The following DPP10 variants were observed in gnomAD, a reference collection of about 807,000 sequenced individuals.
The protein encoded by DPP10 is dipeptidyl peptidase like 10.
In DPP10, 33 loss-of-function variants were observed where a neutral mutation model predicts 120.9. The ratio of observed to expected loss-of-function variants is 0.27; its 90% CI spans 0.21 to 0.37. The LOEUF (loss-of-function observed/expected upper bound fraction) is 0.37. DPP10 is among the 10% of genes least tolerant of loss of function. DPP10 has a pLI of 1.00. For synonymous variants in DPP10, 337 were observed against 326.1 expected, an observed-to-expected ratio of 1.03 and a Z score of -0.36; for missense variants, 816 against 942.8, an observed-to-expected ratio of 0.87 and a Z score of 1.76.
chr2:115,779,475 C>T (rs913051912), intron 15 of DPP10, among the ~76,000 whole-genome samples: 1 of 151,996 alleles, frequency 6.6e-6, no homozygotes, highest in Non-Finnish European at 1.5e-5. Context: ...CTACCGTAGT[C>T]ATTGTTACTT....
chr2:115,330,550 G>T (rs1022534785), intron 2 of DPP10, among the ~76,000 whole-genome samples: 25 of 151,960 alleles, frequency 1.6e-4, no homozygotes, highest in Non-Finnish European at 2.9e-4. Context: ...TTTTCTTCTA[G>T]GGTTTTTATG....
intron 5 of DPP10, among the ~76,000 whole-genome samples, chr2:115,536,022 A>G (rs1437504056): frequency 2.0e-5 from 3 of 152,022 alleles, no homozygotes; most frequent in South Asian, 2.1e-4. Flanking sequence ...GGCTGAGACA[A>G]TGGGGTTTTC....
intron 1 of DPP10, among the ~76,000 whole-genome samples, chr2:114,597,615 TC>T (rs1692023949): frequency 6.6e-6 from 1 of 151,968 alleles, no homozygotes; most frequent in Non-Finnish European, 1.5e-5. Context: ...AACGTTTCAG[TC>T]ACTTAGGTGA....
rs2083382712 is a variant in DPP10, at chr2:115,602,362, A to G, written c.441+76390A>G. Among the ~76,000 whole-genome samples, 5 of 152,328 alleles carry G rather than the reference A, an allele frequency of 3.3e-5. No individual in the cohort carries two copies. In the South Asian group the frequency reaches 1.0e-3, roughly 32 times the overall value. ...GAACACATTTCCAAAGTAAATGCTC[A>G]TTTTTAGCACAGAATCTTTTAAAGA... On this transcript the variant is annotated intron_variant, in intron 5 of 25. Transcript: ENST00000410059.
At chr2:114,453,737 C>A (rs1404617751) in intron 1 of DPP10, among the ~76,000 whole-genome samples, 1 of 152,158 alleles carries the variant, frequency 6.6e-6, no homozygotes, top group East Asian at 1.9e-4. Context: ...CAAAGAAATA[C>A]CTTGATCTTT....
At chr2:115,236,971 TG>T (rs1340451340) in intron 1 of DPP10, among the ~76,000 whole-genome samples, 2 of 152,194 alleles carry the variant, frequency 1.3e-5, no homozygotes, top group Non-Finnish European at 2.9e-5. Flanking sequence ...AAGATTACAA[TG>T]TTGAAAATCA....
intron 1 of DPP10, among the ~76,000 whole-genome samples, chr2:114,971,684 C>T (rs1372992063): frequency 6.6e-6 from 1 of 152,110 alleles, no homozygotes; most frequent in Non-Finnish European, 1.5e-5. Context: ...TCGCAAGAAA[C>T]ACAGGAAAAG....
chr2:115,741,287 C>G (rs1677235403), intron 9 of DPP10, among the ~76,000 whole-genome samples: 1 of 152,020 alleles, frequency 6.6e-6, no homozygotes, highest in Admixed American at 6.6e-5. Context: ...AGGGTCTTCT[C>G]TGGACATAGA....
chr2:115,070,063 T>C (rs1707244914), intron 1 of DPP10, among the ~76,000 whole-genome samples: 1 of 152,206 alleles, frequency 6.6e-6, no homozygotes, highest in Admixed American at 6.5e-5. Context: ...ATCATCACAA[T>C]TTATTAGGTT....
intron 1 of DPP10, among the ~76,000 whole-genome samples, chr2:115,143,034 C>T (rs2051015199): frequency 6.6e-6 from 1 of 152,096 alleles, no homozygotes; most frequent in Non-Finnish European, 1.5e-5. Flanking sequence ...ACTCTTGTTC[C>T]TAGAAAAAAT....
At chr2:115,098,651 A>G (rs533099237) in intron 1 of DPP10, among the ~76,000 whole-genome samples, 1 of 152,290 alleles carries the variant, frequency 6.6e-6, no homozygotes, top group East Asian at 1.9e-4. Context: ...TCATTTATCA[A>G]AACGTCATTA....
At chr2:114,463,666 A>G (rs961972606) in intron 1 of DPP10, among the ~76,000 whole-genome samples, 10 of 152,134 alleles carry the variant, frequency 6.6e-5, no homozygotes, top group African/African-American at 2.2e-4. Flanking sequence ...AAATTTGCCT[A>G]TGTTAAATTT....
intron 1 of DPP10, among the ~76,000 whole-genome samples, chr2:114,930,046 C>T (rs1695953839): frequency 6.6e-6 from 1 of 152,160 alleles, no homozygotes; most frequent in Admixed American, 6.5e-5. Flanking sequence ...ATTGGAACCC[C>T]AAACATGTCC....
At chr2:114,762,729 A>G (rs560073642) in intron 1 of DPP10, among the ~76,000 whole-genome samples, 1 of 152,350 alleles carries the variant, frequency 6.6e-6, no homozygotes, top group African/African-American at 2.4e-5. Flanking sequence ...CATTCTGAGC[A>G]GAGCCTTAAC....
At chr2:115,074,872 C>A (rs1181789258) in intron 1 of DPP10, among the ~76,000 whole-genome samples, 1 of 152,156 alleles carries the variant, frequency 6.6e-6, no homozygotes, top group African/African-American at 2.4e-5. Flanking sequence ...CTTGAGCAAC[C>A]AGATGAACCA....
At chr2:115,625,307 T>C (rs911013115) in intron 5 of DPP10, among the ~76,000 whole-genome samples, 1 of 152,134 alleles carries the variant, frequency 6.6e-6, no homozygotes, top group Non-Finnish European at 1.5e-5. Context: ...GACTTCAGTA[T>C]TTAAAATTAC....
At chr2:114,896,905 G>A (rs1334179154) in intron 1 of DPP10, among the ~76,000 whole-genome samples, 11 of 152,048 alleles carry the variant, frequency 7.2e-5, no homozygotes, top group East Asian at 5.8e-4. Flanking sequence ...TTTGAGATAC[G>A]TCCCATCAAT....
At chr2:115,095,662 C>T (rs767879415) in intron 1 of DPP10, among the ~76,000 whole-genome samples, 1 of 151,042 alleles carries the variant, frequency 6.6e-6, no homozygotes, top group Admixed American at 6.6e-5. Flanking sequence ...TCACTGCAAC[C>T]TCTACCACTT....
intron 1 of DPP10, among the ~76,000 whole-genome samples, chr2:114,653,689 AC>A (rs1445702677): frequency 3.3e-5 from 5 of 152,066 alleles, no homozygotes; most frequent in African/African-American, 4.8e-5. Flanking sequence ...TCCTACCCTA[AC>A]CTTGAATCAA....
Sources: gnomAD v4.1 joint callset for allele counts (sites outside exome capture counted in the v4.1 genomes callset) on GRCh38, gnomAD v4.1.1 for gene constraint, MANE v1.5 for transcripts, NCBI Gene and HGNC (gene_info 2026-07-23, HGNC 2026-07-21) for gene names.